Variants in MYO5B observed in about 807,000 individuals in gnomAD.
MYO5B encodes myosin VB.
Under a neutral mutation model 229.3 loss-of-function variants are expected in MYO5B, and 143 were observed. The observed-to-expected ratio is 0.62, with a 90% CI of 0.54 to 0.72. The LOEUF (loss-of-function observed/expected upper bound fraction) is 0.72, where lower values mean the gene tolerates loss of function less well. Ranked by LOEUF, MYO5B falls within the 30% of genes least tolerant of loss-of-function variation. The pLI is 0.00. For missense variants in MYO5B, 2,321 were observed against 2,331.0 expected (o/e 1.00, Z 0.09); for synonymous variants, 918 against 885.2 (o/e 1.04, Z -0.66).
intron 3 of MYO5B, among the ~76,000 whole-genome samples, chr18:50,037,694 G>A (rs543363793): frequency 3.0e-4 from 45 of 152,316 alleles, no homozygotes; most frequent in Non-Finnish European, 5.1e-4. Context: ...AAGGCCAGGA[G>A]TTTGAGACCA....
At chr18:50,079,482 A>G (rs1036434250) in intron 1 of MYO5B, among the ~76,000 whole-genome samples, 2 of 152,254 alleles carry the variant, frequency 1.3e-5, no homozygotes, top group African/African-American at 4.8e-5. Flanking sequence ...CTTAAAAGAC[A>G]GAGTGCTCCA....
At chr18:50,098,567 G>T (rs2292382) in intron 1 of MYO5B, among the ~76,000 whole-genome samples, 19,697 of 152,178 alleles carry the variant, frequency 0.13, 1,352 homozygotes, top group East Asian at 0.23. Flanking sequence ...CCAACTGTGT[G>T]GTACAGATTG....
chr18:50,110,633 C>T (rs540718066), intron 1 of MYO5B, among the ~76,000 whole-genome samples: 41 of 152,222 alleles, frequency 2.7e-4, no homozygotes, highest in Non-Finnish European at 5.3e-4. Context: ...CTGAAACTCA[C>T]CAATCACACT....
At chr18:50,007,354 C>T (rs544679396) in intron 4 of MYO5B, among the ~76,000 whole-genome samples, 1 of 152,254 alleles carries the variant, frequency 6.6e-6, no homozygotes, top group East Asian at 1.9e-4. Flanking sequence ...AGTCTGTTTC[C>T]TTCTCTGTAC....
chr18:50,007,638 G>A (rs985509260), intron 4 of MYO5B, among the ~76,000 whole-genome samples: 3 of 152,156 alleles, frequency 2.0e-5, no homozygotes, highest in African/African-American at 7.2e-5. Context: ...GCCACACAGA[G>A]GTTCTTGCTT....
chr18:49,948,243 A>G (rs1285313288), intron 14 of MYO5B, among the ~76,000 whole-genome samples: 1 of 149,286 alleles, frequency 6.7e-6, no homozygotes, highest in Non-Finnish European at 1.5e-5. Flanking sequence ...CTTTTCTTTA[A>G]AAAGAAATCT....
intron 2 of MYO5B, among the ~76,000 whole-genome samples, chr18:50,048,306 A>G (rs936288534): frequency 6.6e-6 from 1 of 152,168 alleles, no homozygotes; most frequent in African/African-American, 2.4e-5. Context: ...AAATACTCTG[A>G]TTTATGTAAC....
At chr18:49,902,560 C>T (rs2024853542) in intron 21 of MYO5B, 34 bp downstream of exon 21, 1 of 1,605,882 alleles carries the variant, frequency 6.2e-7, no homozygotes, top group African/African-American at 1.3e-5. Flanking sequence ...TACCCAAGCC[C>T]CCGACACCCA....
chr18:50,113,239 C>G (rs1369621443), intron 1 of MYO5B, among the ~76,000 whole-genome samples: 1 of 152,158 alleles, frequency 6.6e-6, no homozygotes, highest in African/African-American at 2.4e-5. Flanking sequence ...ACAAAAAAGA[C>G]AAAAAGGCTT....
chr18:49,932,630 C>T lies in MYO5B; in HGVS notation c.2004-3032G>A, dbSNP rs546867610. Among the ~76,000 whole-genome samples, 19 of 152,312 alleles carry T rather than the reference C, an allele frequency of 1.2e-4. No individual in the cohort carries two copies. In the East Asian group the frequency reaches 3.3e-3, roughly 26 times the overall value. On this transcript the variant is annotated intron_variant, in intron 16 of 39. Transcript: ENST00000285039. ...ATGAGAGCTCAACATATCTGCCCAA[C>T]TATAAAGCAGTGGTGGCTGTAATGA...
chr18:50,043,972 A>T (rs2030146648), intron 2 of MYO5B, among the ~76,000 whole-genome samples: 1 of 152,072 alleles, frequency 6.6e-6, no homozygotes, highest in African/African-American at 2.4e-5. Context: ...AAATCTCAGA[A>T]ATCAGCACTA....
chr18:50,025,467 C>T (rs2026320451), intron 4 of MYO5B, among the ~76,000 whole-genome samples: 1 of 152,204 alleles, frequency 6.6e-6, no homozygotes, highest in Non-Finnish European at 1.5e-5. Context: ...AGGATCTCCT[C>T]CCATCTCCTC....
chr18:50,015,779 C>T (rs1189011271), intron 4 of MYO5B, among the ~76,000 whole-genome samples: 1 of 152,208 alleles, frequency 6.6e-6, no homozygotes, highest in African/African-American at 2.4e-5. Context: ...TTGCAGTAGC[C>T]TCTGCTGAAT....
intron 1 of MYO5B, among the ~76,000 whole-genome samples, chr18:50,098,533 A>G (rs2031596340): frequency 1.3e-5 from 2 of 152,258 alleles, no homozygotes; most frequent in Non-Finnish European, 2.9e-5. Flanking sequence ...ACAAACTACA[A>G]CTTAGCTTTG....
At chr18:49,984,426 C>T (rs924904101) in intron 8 of MYO5B, among the ~76,000 whole-genome samples, 2 of 152,210 alleles carry the variant, frequency 1.3e-5, no homozygotes, top group African/African-American at 4.8e-5. Context: ...ACTTGCTTTG[C>T]CTCCGTTGGT....
At chr18:49,848,518 G>A (rs964403196) in intron 32 of MYO5B, among the ~76,000 whole-genome samples, 1 of 152,202 alleles carries the variant, frequency 6.6e-6, no homozygotes, top group Non-Finnish European at 1.5e-5. Context: ...GAGAGTGTGA[G>A]AGGATGAAGG....
intron 4 of MYO5B, among the ~76,000 whole-genome samples, chr18:50,024,230 A>G (rs537679446): frequency 2.3e-4 from 35 of 152,348 alleles, no homozygotes; most frequent in Admixed American, 7.2e-4. Flanking sequence ...CTGAAGATCA[A>G]TACCATACAT....
At position 49,862,073 on chromosome 18, in the gene MYO5B, T is replaced by C. The variant is rs541118690; in HGVS notation, c.3944+1154A>G. Among the ~76,000 whole-genome samples the C allele has an allele frequency of 2.2e-3, 327 of 149,996 alleles. 1 individual carries two copies. The highest frequency in any genetic ancestry group is 7.8e-3 in the African/African-American group (318 of 40,808). On this transcript the variant is annotated intron_variant, in intron 29 of 39. Coordinates refer to ENST00000285039, the MANE Select transcript of MYO5B (RefSeq NM_001080467.3). Reference sequence around the variant, plus strand: ...AGTGCAATGGCATGATCTCGGCTCATTGCAACCTCCGCCTCCTGGGTTCAA... The same window carrying C: ...AGTGCAATGGCATGATCTCGGCTCACTGCAACCTCCGCCTCCTGGGTTCAA...
intron 30 of MYO5B, among the ~76,000 whole-genome samples, chr18:49,855,100 G>T (rs1450873180): frequency 6.6e-6 from 1 of 152,102 alleles, no homozygotes; most frequent in African/African-American, 2.4e-5. Context: ...ATCCAATATT[G>T]GCTACAGTAA....
Sources: allele counts gnomAD v4.1 joint callset (sites outside exome capture counted in the v4.1 genomes callset), GRCh38; gene constraint gnomAD v4.1.1; transcripts MANE v1.5; gene names NCBI Gene and HGNC (gene_info 2026-07-23, HGNC 2026-07-21).